OSBPL11: variants seen among roughly 807,000 people sequenced by gnomAD.
OSBPL11 encodes the protein oxysterol binding protein like 11.
OSBPL11 carries 33 observed loss-of-function variants against 84.4 expected under a neutral mutation model. The ratio of observed to expected loss-of-function variants is 0.39; its 90% CI spans 0.30 to 0.52. The LOEUF is 0.52. OSBPL11 is among the 20% of genes least tolerant of loss of function. The pLI is 0.72. For synonymous variants in OSBPL11, 276 were observed against 310.2 expected (o/e 0.89, Z 1.16); for missense variants, 736 against 901.1 (o/e 0.82, Z 2.35).
intron 8 of OSBPL11, among the ~76,000 whole-genome samples, chr3:125,553,724 G>C (rs529527037): frequency 6.6e-6 from 1 of 152,266 alleles, no homozygotes; most frequent in South Asian, 2.1e-4. Flanking sequence ...CTGAAGTAGG[G>C]AACTTTCATT....
At chr3:125,571,774 C>T (rs549972167) in intron 5 of OSBPL11, among the ~76,000 whole-genome samples, 1 of 152,198 alleles carries the variant, frequency 6.6e-6, no homozygotes, top group Non-Finnish European at 1.5e-5. Context: ...TAAGGAAACA[C>T]CTGGATGCCC....
At chr3:125,573,659 TC>T (rs1467047785) in intron 5 of OSBPL11, among the ~76,000 whole-genome samples, 7 of 151,916 alleles carry the variant, frequency 4.6e-5, no homozygotes, top group Non-Finnish European at 1.0e-4. Context: ...GGTCAAGGGT[TC>T]AAAACCATCC....
At chr3:125,580,072 A>G (rs1936399891) in intron 2 of OSBPL11, 32 bp from the exon 3 acceptor site, 2 of 1,585,178 alleles carry the variant, frequency 1.3e-6, no homozygotes, top group African/African-American at 2.7e-5. Context: ...CATAATTTGT[A>G]AACATTTTCC....
At chr3:125,586,805 G>A (rs1446728722) in intron 1 of OSBPL11, among the ~76,000 whole-genome samples, 2 of 152,140 alleles carry the variant, frequency 1.3e-5, no homozygotes, top group African/African-American at 2.4e-5. Flanking sequence ...GTGAGCCACC[G>A]TGCCCGGCAA....
chr3:125,593,264 G>A (rs1192529969), intron 1 of OSBPL11, among the ~76,000 whole-genome samples: 1 of 152,066 alleles, frequency 6.6e-6, no homozygotes, highest in African/African-American at 2.4e-5. Context: ...TTCCAAAAGC[G>A]GGCCTAGACC....
Position 125,547,558 on chromosome 3 carries a change from G to C in OSBPL11, c.1689C>G (p.Tyr563Ter). Residue 563 changes from tyrosine to a stop codon, truncating the protein, a stop_gained, in exon 10 of 13, where the codon TAC becomes TAG. Transcript: ENST00000296220. LOFTEE classifies it high-confidence loss of function. ...ILSLLEHGEE[Y>*]TFSLPCAYAR... ...CATATGCACAGGGTAGAGAAAATGT[G>C]TACTCTTCTCCATGCTCCAACAGAC... 6.2e-7 allele frequency: 1 copy of C among 1,612,946 alleles called. No homozygotes were observed. The highest frequency in any genetic ancestry group is 8.5e-7 in the Non-Finnish European group (1 of 1,179,408).
intron 10 of OSBPL11, among the ~76,000 whole-genome samples, chr3:125,541,381 A>G (rs1327058550): frequency 6.6e-6 from 1 of 152,242 alleles, no homozygotes; most frequent in East Asian, 1.9e-4. Context: ...TTATCACTAC[A>G]TAGCATAAGG....
chr3:125,543,989 G>C (rs6809674), intron 10 of OSBPL11, among the ~76,000 whole-genome samples: 9,466 of 152,046 alleles, frequency 0.062, 363 homozygotes, highest in African/African-American at 0.11. Context: ...GACTATCATT[G>C]ACTGAGATGA....
chr3:125,563,576 T>A (rs1193947861), intron 7 of OSBPL11, 122 bp downstream of exon 7: 2 of 908,464 alleles, frequency 2.2e-6, no homozygotes, highest in South Asian at 1.6e-5. Context: ...TGTTTTAGAA[T>A]CTTCAAGAGT....
At position 125,536,926 on chromosome 3, in the gene OSBPL11, A is replaced by C. The variant is rs140533291; in HGVS notation, c.2024+1525T>G. Among the ~76,000 whole-genome samples, 25 of 152,228 alleles carry C rather than the reference A, an allele frequency of 1.6e-4. No individual in the cohort carries two copies. In the East Asian group the frequency reaches 4.8e-3, roughly 29 times the overall value. ...GTAATCCCAGCACTTTGGGAGGCTG[A>C]GGTGGCAGGATCACTTGAGGTCAGA... is the stretch of plus-strand genomic sequence containing the variant. On this transcript the variant is annotated intron_variant, in intron 11 of 12. Transcript: ENST00000296220.
intron 7 of OSBPL11, among the ~76,000 whole-genome samples, chr3:125,561,599 A>T (rs1478247066): frequency 6.6e-6 from 1 of 152,216 alleles, no homozygotes; most frequent in African/African-American, 2.4e-5. Context: ...TCCAAGTCGT[A>T]TCATGTACCA....
chr3:125,582,673 G>T (rs1936447266), intron 2 of OSBPL11, among the ~76,000 whole-genome samples: 1 of 152,180 alleles, frequency 6.6e-6, no homozygotes. Context: ...GGTAACAAGT[G>T]ATTCTAATCC....
At chr3:125,537,608 C>A (rs565493892) in intron 11 of OSBPL11, among the ~76,000 whole-genome samples, 11 of 152,228 alleles carry the variant, frequency 7.2e-5, no homozygotes, top group African/African-American at 1.9e-4. Flanking sequence ...CTTTTCACAC[C>A]TAGTTAGAAA....
intron 10 of OSBPL11, among the ~76,000 whole-genome samples, chr3:125,541,818 A>G (rs1229435472): frequency 6.6e-6 from 1 of 152,150 alleles, no homozygotes; most frequent in Non-Finnish European, 1.5e-5. Flanking sequence ...CCTGGGTTCA[A>G]GCGATCCTCC....
At chr3:125,580,271 T>G (rs1015288234) in intron 2 of OSBPL11, among the ~76,000 whole-genome samples, 1 of 151,990 alleles carries the variant, frequency 6.6e-6, no homozygotes, top group African/African-American at 2.4e-5. Flanking sequence ...TCCCAGCACT[T>G]TGGGAGGCAG....
chr3:125,579,830 A>C, intron 3 of OSBPL11, 35 bp downstream of exon 3: 1 of 1,597,344 alleles, frequency 6.3e-7, no homozygotes, highest in South Asian at 1.1e-5. Flanking sequence ...AAAAAGAGGA[A>C]AATCACAGTA....
rs376782917 is a variant in OSBPL11 at position 125,584,148 on chromosome 3, T to A, written c.165-1170A>T. On this transcript the variant is annotated intron_variant, in intron 1 of 12. Coordinates refer to ENST00000296220, the MANE Select transcript of OSBPL11 (RefSeq NM_022776.5). ...TGGAGGCCGGGGCAGGTGGATCACC[T>A]AAGGTCAGGAGTTCGAGACCAGCCT... Among the ~76,000 whole-genome samples the A allele has an allele frequency of 1.7e-3, 255 of 152,212 alleles. 1 individual carries two copies. The highest frequency in any genetic ancestry group is 0.01 in the South Asian group (50 of 4,820).
chr3:125,532,765 C>T (rs935321985), intron 11 of OSBPL11, among the ~76,000 whole-genome samples: 3 of 110,326 alleles, frequency 2.7e-5, no homozygotes, highest in Non-Finnish European at 5.5e-5. Context: ...AAATAAATGT[C>T]CATACAAAGA....
chr3:125,563,092 A>T (rs1472794371), intron 7 of OSBPL11, among the ~76,000 whole-genome samples: 1 of 152,240 alleles, frequency 6.6e-6, no homozygotes, highest in Admixed American at 6.5e-5. Context: ...ATGCTTATCA[A>T]GTAAAAATAG....
Sources: allele counts gnomAD v4.1 joint callset (sites outside exome capture counted in the v4.1 genomes callset), GRCh38; gene constraint gnomAD v4.1.1; transcripts MANE v1.5; gene names NCBI Gene and HGNC (gene_info 2026-07-23, HGNC 2026-07-21).